RASSF8: variants seen among roughly 807,000 people sequenced by gnomAD.
RASSF8 encodes the protein Ras association domain family member 8.
In RASSF8, 22 loss-of-function variants were observed where a neutral mutation model predicts 48.5. The observed-to-expected ratio is 0.45, with a 90% CI of 0.32 to 0.65. RASSF8 has a LOEUF of 0.65. RASSF8 is among the 30% of genes least tolerant of loss of function. The pLI is 0.03. For missense variants in RASSF8, 418 were observed against 489.2 expected (o/e 0.85, Z 1.37); for synonymous variants, 127 against 171.5 (o/e 0.74, Z 2.03).
intron 5 of RASSF8, chr12:26,078,966 T>C: frequency 6.9e-7 from 1 of 1,457,962 alleles, no homozygotes; most frequent in Non-Finnish European, 9.1e-7. Context: ...CATGATTATG[T>C]ATACAAAAAC....
At chr12:25,965,548 G>A (rs1327879605) in intron 1 of RASSF8, among the ~76,000 whole-genome samples, 1 of 151,626 alleles carries the variant, frequency 6.6e-6, no homozygotes, top group Non-Finnish European at 1.5e-5. Context: ...TTTTAGTAGA[G>A]ACTGGGTTTT....
chr12:25,964,671 G>T (rs753718831), intron 1 of RASSF8, among the ~76,000 whole-genome samples: 2 of 152,122 alleles, frequency 1.3e-5, no homozygotes, highest in Non-Finnish European at 2.9e-5. Flanking sequence ...CTCTTTAATG[G>T]ATAGATATTG....
chr12:25,997,816 C>T (rs1476926044), intron 2 of RASSF8, among the ~76,000 whole-genome samples: 2 of 152,120 alleles, frequency 1.3e-5, no homozygotes, highest in East Asian at 1.9e-4. Flanking sequence ...AAGAAAGGAG[C>T]CATCCATTGT....
At chr12:26,060,276 C>T (rs1943712630) in intron 3 of RASSF8, among the ~76,000 whole-genome samples, 2 of 152,168 alleles carry the variant, frequency 1.3e-5, no homozygotes, top group Admixed American at 1.3e-4. Flanking sequence ...ACATGATATA[C>T]ACTGGGAAGA....
At chr12:26,015,916 C>G (rs1437430072) in intron 2 of RASSF8, among the ~76,000 whole-genome samples, 1 of 152,058 alleles carries the variant, frequency 6.6e-6, no homozygotes, top group Non-Finnish European at 1.5e-5. Context: ...ACTCTGTGAT[C>G]ACATGATCAC....
At chr12:25,978,893 T>C (rs1941672252) in intron 1 of RASSF8, among the ~76,000 whole-genome samples, 2 of 152,124 alleles carry the variant, frequency 1.3e-5, no homozygotes, top group Admixed American at 6.5e-5. Context: ...AGGATGTTTC[T>C]TGCCCACTAT....
rs142256130 is a variant in RASSF8 at position 25,969,174 on chromosome 12, G to C, written c.-203+10026G>C. 4.6e-4 allele frequency among the ~76,000 whole-genome samples: 70 copies of C among 152,318 alleles called. 1 individual carries two copies. The East Asian group carries it at 0.01, about 23-fold the overall frequency. ...GGATCTTGGTTTTGACTCTGAGTGAGAAGACAGTTGAGAGTCTTGAATAGA... is the reference window on the plus strand; with the variant it reads ...GGATCTTGGTTTTGACTCTGAGTGACAAGACAGTTGAGAGTCTTGAATAGA... On this transcript the variant is annotated intron_variant, in intron 1 of 5. Coordinates refer to ENST00000689635, the MANE Select transcript of RASSF8 (RefSeq NM_001394098.1).
chr12:26,022,022 G>A (rs1441753863), intron 2 of RASSF8, among the ~76,000 whole-genome samples: 4 of 152,160 alleles, frequency 2.6e-5, no homozygotes, highest in South Asian at 2.1e-4. Flanking sequence ...TAAGAAGAGC[G>A]CTCCCTCTTG....
intron 1 of RASSF8, among the ~76,000 whole-genome samples, chr12:25,975,411 C>T (rs934731326): frequency 6.6e-6 from 1 of 152,184 alleles, no homozygotes; most frequent in Non-Finnish European, 1.5e-5. Context: ...TGAGAAGCAG[C>T]TTTTCCGGTC....
At chr12:25,978,169 A>G (rs781107982) in intron 1 of RASSF8, among the ~76,000 whole-genome samples, 30 of 152,214 alleles carry the variant, frequency 2.0e-4, no homozygotes, top group Non-Finnish European at 3.7e-4. Context: ...AAAAAACCAT[A>G]CAGTACATTC....
intron 2 of RASSF8, among the ~76,000 whole-genome samples, chr12:26,031,098 T>TA (rs1416181515): frequency 6.6e-6 from 1 of 152,188 alleles, no homozygotes; most frequent in Non-Finnish European, 1.5e-5. Context: ...TCTTTACAGT[T>TA]ACGTAATGCC....
chr12:25,987,501 A>G (rs896490497), intron 1 of RASSF8, among the ~76,000 whole-genome samples: 2 of 152,240 alleles, frequency 1.3e-5, no homozygotes, highest in African/African-American at 4.8e-5. Context: ...AGAAACAGGT[A>G]AAGTATAATC....
At chr12:25,970,375 G>T (rs147606983) in intron 1 of RASSF8, among the ~76,000 whole-genome samples, 1 of 152,166 alleles carries the variant, frequency 6.6e-6, no homozygotes, top group African/African-American at 2.4e-5. Context: ...GGATTTGTGG[G>T]ACCATTATCC....
At chr12:26,008,232 C>T (rs911724254) in intron 2 of RASSF8, among the ~76,000 whole-genome samples, 2 of 151,954 alleles carry the variant, frequency 1.3e-5, no homozygotes, top group Non-Finnish European at 2.9e-5. Context: ...GAGAAAGCCA[C>T]TGAATTCCAG....
intron 1 of RASSF8, among the ~76,000 whole-genome samples, chr12:25,980,949 G>T (rs866985562): frequency 6.6e-6 from 1 of 152,250 alleles, no homozygotes; most frequent in South Asian, 2.1e-4. Context: ...CTGAAACTAT[G>T]GTTGTTGTCC....
intron 3 of RASSF8, among the ~76,000 whole-genome samples, chr12:26,059,560 A>G (rs927876193): frequency 6.6e-6 from 1 of 152,176 alleles, no homozygotes; most frequent in Non-Finnish European, 1.5e-5. Flanking sequence ...TTAAAAAATT[A>G]TACTCTTCAT....
intron 1 of RASSF8, among the ~76,000 whole-genome samples, chr12:25,987,345 T>C (rs1941910226): frequency 6.6e-6 from 1 of 152,132 alleles, no homozygotes; most frequent in Admixed American, 6.5e-5. Flanking sequence ...GCCTCTTAGA[T>C]TTTTTTGACT....
chr12:26,015,464 A>G (rs568281292), intron 2 of RASSF8, among the ~76,000 whole-genome samples: 3 of 152,340 alleles, frequency 2.0e-5, no homozygotes, highest in South Asian at 2.1e-4. Context: ...GAGCCGAGAA[A>G]TAGAAAATAG....
At chr12:26,044,996 A>G (rs1298157797) in intron 2 of RASSF8, among the ~76,000 whole-genome samples, 1 of 152,208 alleles carries the variant, frequency 6.6e-6, no homozygotes, top group Non-Finnish European at 1.5e-5. Context: ...TGTTACTTTG[A>G]AATATCACCA....
Sources: allele counts gnomAD v4.1 joint callset (sites outside exome capture counted in the v4.1 genomes callset), GRCh38; gene constraint gnomAD v4.1.1; transcripts MANE v1.5; gene names NCBI Gene and HGNC (gene_info 2026-07-23, HGNC 2026-07-21).